The following KIAA1217 variants were observed in gnomAD, a reference collection of about 807,000 sequenced individuals.
The protein encoded by KIAA1217 is sickle tail protein homolog.
KIAA1217 carries 88 observed loss-of-function variants against 163.9 expected under a neutral mutation model. That is an observed-to-expected ratio of 0.54 (90% confidence interval 0.45 to 0.64). KIAA1217 has a LOEUF of 0.64. KIAA1217 is among the 30% of genes least tolerant of loss of function. The pLI is 0.00. For missense variants in KIAA1217, 2,372 were observed against 2,475.0 expected (o/e 0.96, Z 0.88); for synonymous variants, 903 against 923.1 (o/e 0.98, Z 0.39).
At chr10:23,786,718 A>G (rs1835511497) in intron 1 of KIAA1217, among the ~76,000 whole-genome samples, 1 of 152,086 alleles carries the variant, frequency 6.6e-6, no homozygotes, top group African/African-American at 2.4e-5. Context: ...AGCCAGAGTA[A>G]AGCAAAGGCT....
intron 1 of KIAA1217, among the ~76,000 whole-genome samples, chr10:23,993,553 C>CTTTTTTTTTTTGTTTTTTTTTTT (rs1846319917): frequency 1.5e-5 from 1 of 68,956 alleles, no homozygotes; most frequent in African/African-American, 8.4e-5. Flanking sequence ...CATAGCCCAG[C>CTTTTTTTTTTTGTTTTTTTTTTT]TTTTTTTTTT....
At chr10:24,422,808 G>GT (rs2058838182) in intron 3 of KIAA1217, among the ~76,000 whole-genome samples, 1 of 152,048 alleles carries the variant, frequency 6.6e-6, no homozygotes, top group Non-Finnish European at 1.5e-5. Flanking sequence ...TGGAGAATGA[G>GT]TGCCTCCAAG....
At chr10:24,497,233 C>T (rs2066904212) in intron 8 of KIAA1217, among the ~76,000 whole-genome samples, 1 of 152,138 alleles carries the variant, frequency 6.6e-6, no homozygotes, top group Admixed American at 6.5e-5. Flanking sequence ...AAGGAAAACC[C>T]AGACTTCCTG....
At chr10:24,525,774 A>C (rs528151745) in intron 13 of KIAA1217, among the ~76,000 whole-genome samples, 1 of 152,292 alleles carries the variant, frequency 6.6e-6, no homozygotes, top group East Asian at 1.9e-4. Context: ...CGATCACTGG[A>C]ACATGAGTGC....
intron 1 of KIAA1217, among the ~76,000 whole-genome samples, chr10:23,961,802 C>T (rs1844830335): frequency 6.6e-6 from 1 of 152,138 alleles, no homozygotes; most frequent in African/African-American, 2.4e-5. Flanking sequence ...GTGGGTTGGG[C>T]TGAATCCTTC....
intron 2 of KIAA1217, among the ~76,000 whole-genome samples, chr10:24,086,988 C>T (rs2061719829): frequency 1.3e-5 from 2 of 152,152 alleles, no homozygotes; most frequent in South Asian, 4.1e-4. Flanking sequence ...GGCCTTAGGT[C>T]ATCCTCATGC....
rs752886209 is a variant in KIAA1217 at position 24,495,164 on chromosome 10, C to T, written c.1802C>T (p.Thr601Ile). 16 of 1,611,962 alleles carry T rather than the reference C, an allele frequency of 9.9e-6. No individual in the cohort carries two copies. The highest frequency in any genetic ancestry group is 1.3e-5 in the African/African-American group (1 of 74,496). The change falls in exon 8 of 21, where the codon ACC becomes ATC. Residue 601 changes from threonine (T) to isoleucine (I), a missense_variant. By Grantham distance (89) the Thr-to-Ile change is moderately conservative. Coordinates refer to ENST00000376454, the MANE Select transcript of KIAA1217 (RefSeq NM_019590.5). Reference protein sequence around the residue: ...KDASSEKMMKTTANRNHTDSA... With the variant: ...KDASSEKMMKITANRNHTDSA... ...TTATTCAGCGAGAAAATGATGAAAA[C>T]CACAGCCAACAGGAACCACACAGAT...
At chr10:24,173,966 T>C (rs2065751726) in intron 2 of KIAA1217, among the ~76,000 whole-genome samples, 1 of 152,298 alleles carries the variant, frequency 6.6e-6, no homozygotes, top group Admixed American at 6.5e-5. Flanking sequence ...GGGGCTGTCT[T>C]GTACCCTCAG....
rs113009326 is a variant in KIAA1217 at position 23,695,419 on chromosome 10, C to G, written c.-321+185C>G. 1.6e-3 allele frequency among the ~76,000 whole-genome samples: 238 copies of G among 152,112 alleles called. 1 individual carries two copies. Among genetic ancestry groups the G allele is most frequent in the Non-Finnish European group, 2.5e-3 (171 of 67,970 alleles). ...CAGGAGGGCCAGGCCGGGAGGGGTC[C>G]CGGTGCGGTGATGGGGTGCCAAAAG... is the stretch of plus-strand genomic sequence containing the variant. On this transcript the variant is annotated intron_variant, in intron 1 of 18. Coordinates refer to the KIAA1217 transcript ENST00000376462. This position sits in a 1 kb window ranked among gnomAD's most constrained non-coding sequence, Gnocchi z 4.9.
chr10:23,804,013 AATAAT>A (rs1490415783), intron 1 of KIAA1217, among the ~76,000 whole-genome samples: 1 of 152,216 alleles, frequency 6.6e-6, no homozygotes, highest in East Asian at 1.9e-4. Context: ...ATAGACCTAA[AATAAT>A]ATTTTATATA....
At chr10:24,394,463 T>A (rs2130891813) in intron 3 of KIAA1217, among the ~76,000 whole-genome samples, 1 of 151,498 alleles carries the variant, frequency 6.6e-6, no homozygotes, top group African/African-American at 2.4e-5. Flanking sequence ...TGTTTTTTTT[T>A]AATCTCCATT....
intron 1 of KIAA1217, among the ~76,000 whole-genome samples, chr10:23,747,856 T>C (rs1019310678): frequency 1.3e-5 from 2 of 152,134 alleles, no homozygotes; most frequent in African/African-American, 4.8e-5. Flanking sequence ...GCCCTACACT[T>C]AGATTTCCCC....
At chr10:24,189,362 C>T (rs567825250) in intron 2 of KIAA1217, among the ~76,000 whole-genome samples, 1 of 152,102 alleles carries the variant, frequency 6.6e-6, no homozygotes, top group East Asian at 1.9e-4. Context: ...GAAAATATGC[C>T]CCTGAAACTG....
intron 1 of KIAA1217, among the ~76,000 whole-genome samples, chr10:23,936,465 C>T (rs560557555): frequency 2.6e-4 from 39 of 152,220 alleles, no homozygotes; most frequent in Admixed American, 4.6e-4. Context: ...GTGATGAAGT[C>T]GTAGTGGATT....
At chr10:24,424,547 G>T (rs917178579) in intron 3 of KIAA1217, among the ~76,000 whole-genome samples, 3 of 152,166 alleles carry the variant, frequency 2.0e-5, no homozygotes, top group Admixed American at 6.6e-5. Flanking sequence ...TGCCTCTAGG[G>T]TACCTCTAAG....
chr10:24,413,034 A>G (rs571553530), intron 3 of KIAA1217, among the ~76,000 whole-genome samples: 4 of 152,230 alleles, frequency 2.6e-5, no homozygotes, highest in African/African-American at 9.6e-5. Context: ...CTGATGAGAA[A>G]TCTCATTCAC....
chr10:23,775,715 T>C (rs928981090), intron 1 of KIAA1217, among the ~76,000 whole-genome samples: 1 of 152,246 alleles, frequency 6.6e-6, no homozygotes, highest in Non-Finnish European at 1.5e-5. Flanking sequence ...TAGGTCATAC[T>C]AGTATTTCAC....
chr10:24,409,793 G>A (rs2057573317), intron 3 of KIAA1217, among the ~76,000 whole-genome samples: 1 of 151,734 alleles, frequency 6.6e-6, no homozygotes. Flanking sequence ...TCATTCTTAT[G>A]CCTTTAAGTC....
intron 2 of KIAA1217, among the ~76,000 whole-genome samples, chr10:24,184,551 G>C (rs12573202): frequency 1.3e-5 from 2 of 152,128 alleles, no homozygotes; most frequent in South Asian, 2.1e-4. Context: ...CCTTCAAAGC[G>C]CACAGTCCTC....
Sources: gnomAD v4.1 joint callset for allele counts (sites outside exome capture counted in the v4.1 genomes callset) on GRCh38, gnomAD v4.1.1 for gene constraint, Gnocchi (gnomAD v3.1) non-coding constraint, MANE v1.5 for transcripts, NCBI Gene and HGNC (gene_info 2026-07-23, HGNC 2026-07-21) for gene names.